The following NOS1AP variants were observed in gnomAD, a reference collection of about 807,000 sequenced individuals.
NOS1AP encodes the protein carboxyl-terminal PDZ ligand of neuronal nitric oxide synthase protein.
A neutral mutation model predicts 56.2 loss-of-function variants in NOS1AP; 21 were observed. That is an observed-to-expected ratio of 0.37 (90% CI 0.26 to 0.54). NOS1AP has a LOEUF of 0.54. Among genes scored for constraint, NOS1AP ranks in the 20% least tolerant of loss-of-function variants. NOS1AP has a pLI of 0.84. For missense variants in NOS1AP, 522 were observed against 657.8 expected, an observed-to-expected ratio of 0.79 and a Z score of 2.26; for synonymous variants, 270 against 274.6, an observed-to-expected ratio of 0.98 and a Z score of 0.17.
At chr1:162,087,600 CCT>C (rs1692032365) in intron 1 of NOS1AP, among the ~76,000 whole-genome samples, 1 of 152,076 alleles carries the variant, frequency 6.6e-6, no homozygotes, top group South Asian at 2.1e-4. Context: ...TGATTTAGAA[CCT>C]AAATCTCAGA....
At chr1:162,261,904 A>T (rs961291728) in intron 2 of NOS1AP, among the ~76,000 whole-genome samples, 1 of 152,138 alleles carries the variant, frequency 6.6e-6, no homozygotes, top group South Asian at 2.1e-4. Flanking sequence ...TTATGAACAA[A>T]AGAGTGGTAG....
intron 8 of NOS1AP, chr1:162,360,592 G>T: frequency 2.9e-6 from 1 of 350,386 alleles, no homozygotes; most frequent in East Asian, 7.5e-5. Context: ...TGCCACTTCT[G>T]TTTGTTCAGG....
chr1:162,097,024 G>T lies in NOS1AP; in HGVS notation c.105+26742G>T, dbSNP rs539875489. On this transcript the variant is annotated intron_variant, in intron 1 of 9. Coordinates refer to ENST00000361897, the MANE Select transcript of NOS1AP (RefSeq NM_014697.3). ...CTTCCACTTGTAAGATTGCTGGAGG[G>T]ATATAAATTGACAAAATATACATTC... 5.3e-5 allele frequency among the ~76,000 whole-genome samples: 8 copies of T among 152,110 alleles called. No homozygotes were observed. In the East Asian group the frequency reaches 1.5e-3, roughly 29 times the overall value.
chr1:162,154,555 G>A (rs1228369043), intron 2 of NOS1AP, 79 bp downstream of exon 2: 3 of 1,355,406 alleles, frequency 2.2e-6, no homozygotes, highest in Non-Finnish European at 2.1e-6. Flanking sequence ...GGGCTGGAGG[G>A]GCCAAAATGG....
intron 4 of NOS1AP, among the ~76,000 whole-genome samples, chr1:162,314,350 C>T (rs1656160437): frequency 6.6e-6 from 1 of 152,196 alleles, no homozygotes; most frequent in African/African-American, 2.4e-5. Flanking sequence ...AATTAGGCCA[C>T]CTTTAGAAAA....
chr1:162,117,604 T>G (rs975219855), intron 1 of NOS1AP, among the ~76,000 whole-genome samples: 2 of 152,242 alleles, frequency 1.3e-5, no homozygotes, highest in African/African-American at 4.8e-5. Context: ...CTCCTTGTCT[T>G]TCAGACATGC....
intron 2 of NOS1AP, among the ~76,000 whole-genome samples, chr1:162,210,560 T>C (rs1652317368): frequency 6.6e-6 from 1 of 152,192 alleles, no homozygotes; most frequent in Non-Finnish European, 1.5e-5. Context: ...GTGAAGTCCT[T>C]GCTTTCCATG....
chr1:162,310,652 G>A (rs1655992873), intron 4 of NOS1AP, among the ~76,000 whole-genome samples: 1 of 152,200 alleles, frequency 6.6e-6, no homozygotes, highest in African/African-American at 2.4e-5. Flanking sequence ...CTAAGAAGGG[G>A]AAGGAAATAC....
At chr1:162,174,524 C>T (rs559677642) in intron 2 of NOS1AP, among the ~76,000 whole-genome samples, 1 of 152,002 alleles carries the variant, frequency 6.6e-6, no homozygotes, top group South Asian at 2.1e-4. Context: ...CAAACCTGCA[C>T]GTTGTGCACA....
At chr1:162,312,895 AT>A (rs1656091218) in intron 4 of NOS1AP, among the ~76,000 whole-genome samples, 1 of 151,680 alleles carries the variant, frequency 6.6e-6, no homozygotes, top group Non-Finnish European at 1.5e-5. Context: ...GATTATCTCA[AT>A]AGATGCAGAA....
chr1:162,245,958 T>G (rs1483706049), intron 2 of NOS1AP, among the ~76,000 whole-genome samples: 1 of 152,244 alleles, frequency 6.6e-6, no homozygotes, highest in African/African-American at 2.4e-5. Flanking sequence ...AAGCATTTTA[T>G]TAATACCAAC....
rs976697680 is a variant in NOS1AP, at chr1:162,312,418, T to G, written c.344+11712T>G. ...GTCTGTTCATGTCCTTCGCCCACTT[T>G]TTGATGGGGTTGTTTGTTTTTTTCT... On this transcript the variant is annotated intron_variant, in intron 4 of 9. Transcript: ENST00000361897. 1.1e-3 allele frequency among the ~76,000 whole-genome samples: 134 copies of G among 127,444 alleles called. 2 individuals carry two copies. In the South Asian group the frequency reaches 0.021, roughly 20 times the overall value. The allele number at this position is 127,444 out of a possible 152,430, so 83.6% of individuals were successfully genotyped here.
rs1651520728 is a variant in NOS1AP at position 162,188,742 on chromosome 1, A to G, written c.177+34266A>G. Among the ~76,000 whole-genome samples the G allele has an allele frequency of 6.6e-6, 1 of 152,172 alleles. No homozygotes were observed. Among genetic ancestry groups the G allele is most frequent in the African/African-American group, 2.4e-5 (1 of 41,436 alleles). ...ATAAATGTCTCTATTTTTATTTTCA[A>G]ATGTTGAACAGTTGGTTAAGATTAT... On this transcript the variant is annotated intron_variant, in intron 2 of 9. Transcript: ENST00000361897. This position sits in a 1 kb window ranked among gnomAD's most constrained non-coding sequence, Gnocchi z 4.0.
At chr1:162,327,408 A>T (rs1279205227) in intron 4 of NOS1AP, among the ~76,000 whole-genome samples, 1 of 152,212 alleles carries the variant, frequency 6.6e-6, no homozygotes, top group Non-Finnish European at 1.5e-5. Flanking sequence ...GAGAAGAAAC[A>T]AAAAGATTGC....
At chr1:162,221,534 G>GCGCGCA (rs1491138063) in intron 2 of NOS1AP, among the ~76,000 whole-genome samples, 2 of 73,396 alleles carry the variant, frequency 2.7e-5, no homozygotes, top group Non-Finnish European at 3.7e-5. Context: ...ACACACGCGC[G>GCGCGCA]CACACACACA....
intron 2 of NOS1AP, among the ~76,000 whole-genome samples, chr1:162,282,820 G>T (rs1182604120): frequency 6.6e-6 from 1 of 152,368 alleles, no homozygotes; most frequent in African/African-American, 2.4e-5. Flanking sequence ...GCCTGGCATA[G>T]TGTTTGCCTT....
At chr1:162,274,100 C>A (rs560913961) in intron 2 of NOS1AP, among the ~76,000 whole-genome samples, 1 of 152,280 alleles carries the variant, frequency 6.6e-6, no homozygotes, top group South Asian at 2.1e-4. Flanking sequence ...AATGCTGGGT[C>A]ATATGGTAAG....
chr1:162,248,364 A>G (rs564640372), intron 2 of NOS1AP, among the ~76,000 whole-genome samples: 9 of 152,286 alleles, frequency 5.9e-5, no homozygotes, highest in African/African-American at 1.9e-4. Flanking sequence ...TGATCTTCTG[A>G]CTTGATGCCA....
At chr1:162,300,523 A>C in intron 3 of NOS1AP, 110 bp from the exon 4 acceptor site, 1 of 912,630 alleles carries the variant, frequency 1.1e-6, no homozygotes, top group Non-Finnish European at 1.8e-6. Context: ...GGCCTCTTAG[A>C]GGGAAAAAGT....
Sources: allele counts gnomAD v4.1 joint callset (sites outside exome capture counted in the v4.1 genomes callset), GRCh38; gene constraint gnomAD v4.1.1; non-coding constraint Gnocchi (gnomAD v3.1); transcripts MANE v1.5; gene names NCBI Gene and HGNC (gene_info 2026-07-23, HGNC 2026-07-21).